Variants in TAFA4 observed in about 807,000 individuals in gnomAD.
TAFA4 encodes the protein chemokine-like protein TAFA-4.
A neutral mutation model predicts 21.1 loss-of-function variants in TAFA4; 20 were observed. The ratio of observed to expected loss-of-function variants is 0.95; its 90% confidence interval spans 0.67 to 1.38. The LOEUF (loss-of-function observed/expected upper bound fraction) is 1.38, where lower values mean the gene tolerates loss of function less well. TAFA4 is among the 40% of genes most tolerant of loss of function. The pLI is 0.00. For synonymous variants in TAFA4, 71 were observed against 67.4 expected (o/e 1.05, Z -0.26); for missense variants, 211 against 180.9 (o/e 1.17, Z -0.95).
intron 1 of TAFA4, among the ~76,000 whole-genome samples, chr3:68,927,364 G>A (rs915196474): frequency 6.6e-6 from 1 of 152,130 alleles, no homozygotes; most frequent in Non-Finnish European, 1.5e-5. Flanking sequence ...ACATGGCACA[G>A]ATGTGAAACT....
At chr3:68,840,265 T>A (rs780147181) in intron 3 of TAFA4, among the ~76,000 whole-genome samples, 2 of 152,224 alleles carry the variant, frequency 1.3e-5, no homozygotes, top group Non-Finnish European at 2.9e-5. Context: ...TTTAGTGCAG[T>A]GGTGCAAACA....
chr3:68,812,389 C>A (rs1012531197), intron 3 of TAFA4, among the ~76,000 whole-genome samples: 13 of 152,052 alleles, frequency 8.5e-5, no homozygotes, highest in Non-Finnish European at 1.3e-4. Context: ...CAAATTGGAT[C>A]AAGAGTCAAG....
chr3:68,911,884 T>C (rs905722621), intron 1 of TAFA4, among the ~76,000 whole-genome samples: 4 of 152,198 alleles, frequency 2.6e-5, no homozygotes, highest in African/African-American at 9.6e-5. Context: ...CGGAGGGCTC[T>C]AGTGCCCAGA....
chr3:68,802,500 A>ATTAGTGCACTAGAAGTTTAGAACACC, intron 3 of TAFA4, among the ~76,000 whole-genome samples: 2 of 152,166 alleles, frequency 1.3e-5, no homozygotes, highest in Admixed American at 1.3e-4. Context: ...TAGAACACCA[A>ATTAGTGCACTAGAAGTTTAGAACACC]AATTTAGTGC....
chr3:68,855,817 G>C (rs1328608374), intron 3 of TAFA4, among the ~76,000 whole-genome samples: 1 of 151,924 alleles, frequency 6.6e-6, no homozygotes, highest in Non-Finnish European at 1.5e-5. Flanking sequence ...AAGTAACCCT[G>C]TTCTGACCAC....
At chr3:68,735,010 G>C (rs1702213240) in intron 5 of TAFA4, among the ~76,000 whole-genome samples, 1 of 152,118 alleles carries the variant, frequency 6.6e-6, no homozygotes, top group Non-Finnish European at 1.5e-5. Flanking sequence ...ACATGTGGAA[G>C]ATTCATTGCT....
intron 3 of TAFA4, among the ~76,000 whole-genome samples, chr3:68,769,913 T>C (rs1034482445): frequency 6.6e-6 from 1 of 152,188 alleles, no homozygotes; most frequent in Admixed American, 6.5e-5. Flanking sequence ...GGAATTAATC[T>C]TTTTAATCCT....
rs1337350434 is a variant in TAFA4 at position 68,732,036 on chromosome 3, C to A, written c.*1106G>T. 1.3e-5 allele frequency: 2 copies of A among 152,498 alleles called. No individual in the cohort carries two copies. The highest frequency in any genetic ancestry group is 2.9e-5 in the Non-Finnish European group (2 of 68,018). 9.4% of individuals were successfully genotyped at this position (152,498 alleles called of 1,614,324 possible). ...TTTACAGTAGTATGTACTTTAACAACATTATACATCTAAAATCTGGGTCAG... is the reference window on the plus strand; with the variant it reads ...TTTACAGTAGTATGTACTTTAACAAAATTATACATCTAAAATCTGGGTCAG... On this transcript the variant is annotated 3_prime_UTR_variant, in exon 6 of 6. Transcript: ENST00000295569.
At chr3:68,837,704 T>C (rs989480657) in intron 3 of TAFA4, among the ~76,000 whole-genome samples, 2 of 152,214 alleles carry the variant, frequency 1.3e-5, no homozygotes, top group African/African-American at 4.8e-5. Context: ...AGTACACTTA[T>C]ATATACTCTA....
At chr3:68,783,222 A>G (rs1703182964) in intron 3 of TAFA4, among the ~76,000 whole-genome samples, 1 of 152,182 alleles carries the variant, frequency 6.6e-6, no homozygotes, top group Admixed American at 6.5e-5. Flanking sequence ...GGAACAAAGC[A>G]GGAATATTTG....
chr3:68,785,434 C>T (rs111909614), intron 3 of TAFA4, among the ~76,000 whole-genome samples: 16,734 of 152,276 alleles, frequency 0.11, 1,344 homozygotes, highest in African/African-American at 0.22. Flanking sequence ...TCAGGCATGG[C>T]GGGCTGCGGG....
At chr3:68,859,498 T>C (rs1009711596) in intron 3 of TAFA4, among the ~76,000 whole-genome samples, 4 of 152,108 alleles carry the variant, frequency 2.6e-5, no homozygotes, top group Admixed American at 1.3e-4. Flanking sequence ...CATAATAAAA[T>C]AGAGAGGGCA....
chr3:68,901,363 G>C (rs1415645412), intron 1 of TAFA4, among the ~76,000 whole-genome samples: 1 of 151,756 alleles, frequency 6.6e-6, no homozygotes, highest in Non-Finnish European at 1.5e-5. Flanking sequence ...CTGGAGTTCT[G>C]TATTGATCTA....
At chr3:68,840,698 C>T (rs537078531) in intron 3 of TAFA4, among the ~76,000 whole-genome samples, 34 of 152,102 alleles carry the variant, frequency 2.2e-4, no homozygotes, top group Non-Finnish European at 2.6e-4. Context: ...AGGAATAAAG[C>T]CCTGGTCCCT....
chr3:68,814,057 G>C (rs1703903995), intron 3 of TAFA4, among the ~76,000 whole-genome samples: 1 of 152,142 alleles, frequency 6.6e-6, no homozygotes, highest in African/African-American at 2.4e-5. Context: ...TAGAACCAAA[G>C]ACAAAAACCA....
chr3:68,892,218 T>C (rs2089736613), intron 1 of TAFA4, among the ~76,000 whole-genome samples: 2 of 152,200 alleles, frequency 1.3e-5, no homozygotes, highest in Non-Finnish European at 2.9e-5. Context: ...TATATACCTG[T>C]CATAAATTGC....
intron 3 of TAFA4, among the ~76,000 whole-genome samples, chr3:68,781,403 A>G (rs888647376): frequency 6.6e-6 from 1 of 151,990 alleles, no homozygotes; most frequent in Admixed American, 6.6e-5. Context: ...AGAACAAAAG[A>G]GAAAAAATAT....
At chr3:68,807,615 C>G (rs971853700) in intron 3 of TAFA4, among the ~76,000 whole-genome samples, 1 of 152,140 alleles carries the variant, frequency 6.6e-6, no homozygotes, top group Non-Finnish European at 1.5e-5. Flanking sequence ...ATTATAAGAG[C>G]TTAGATCCTG....
At chr3:68,821,198 A>G (rs1308395331) in intron 3 of TAFA4, among the ~76,000 whole-genome samples, 1 of 152,238 alleles carries the variant, frequency 6.6e-6, no homozygotes, top group African/African-American at 2.4e-5. Context: ...CTGCCAAAAT[A>G]TACCACGCTG....
Sources: allele counts gnomAD v4.1 joint callset (sites outside exome capture counted in the v4.1 genomes callset), GRCh38; gene constraint gnomAD v4.1.1; transcripts MANE v1.5; gene names NCBI Gene and HGNC (gene_info 2026-07-23, HGNC 2026-07-21).